Variants in ZFHX3 observed in about 807,000 individuals in gnomAD.
ZFHX3 encodes the protein zinc finger homeobox protein 3.
In ZFHX3, 42 loss-of-function variants were observed where a neutral mutation model predicts 279.1. That is an observed-to-expected ratio of 0.15 (90% CI 0.12 to 0.19). ZFHX3 has a LOEUF of 0.19. Among genes scored for constraint, ZFHX3 ranks in the 10% least tolerant of loss-of-function variants. ZFHX3 has a pLI of 1.00. For synonymous variants in ZFHX3, 2,293 were observed against 1,957.8 expected (o/e 1.17, Z -4.52); for missense variants, 4,981 against 4,754.0 (o/e 1.05, Z -1.40).
intron 1 of ZFHX3, among the ~76,000 whole-genome samples, chr16:73,735,693 G>A (rs2053603317): frequency 6.6e-6 from 1 of 152,090 alleles, no homozygotes; most frequent in South Asian, 2.1e-4. Flanking sequence ...TCCCAAGTGT[G>A]ATGTTTCTGT....
At chr16:72,980,446 G>C (rs775964595) in intron 1 of ZFHX3, among the ~76,000 whole-genome samples, 6 of 152,102 alleles carry the variant, frequency 3.9e-5, no homozygotes, top group African/African-American at 7.2e-5. Context: ...ATTGCAACTT[G>C]GGATTAGATC....
At chr16:72,861,704 G>T (rs546148036) in intron 4 of ZFHX3, among the ~76,000 whole-genome samples, 5 of 152,276 alleles carry the variant, frequency 3.3e-5, no homozygotes, top group African/African-American at 1.2e-4. Context: ...CACATATTTT[G>T]TAAAATTTGC....
At chr16:72,944,602 A>T (rs1960572619) in intron 3 of ZFHX3, among the ~76,000 whole-genome samples, 1 of 137,896 alleles carries the variant, frequency 7.3e-6, no homozygotes, top group Admixed American at 7.3e-5. Flanking sequence ...AATCCATCAC[A>T]TGGTAGGATT....
At chr16:73,649,289 G>C (rs990840315) in intron 2 of ZFHX3, among the ~76,000 whole-genome samples, 1 of 152,128 alleles carries the variant, frequency 6.6e-6, no homozygotes, top group Non-Finnish European at 1.5e-5. Context: ...AAGACTTCTG[G>C]CTTGGCTTCC....
At chr16:73,636,928 G>A (rs1321145100) in intron 2 of ZFHX3, among the ~76,000 whole-genome samples, 1 of 151,808 alleles carries the variant, frequency 6.6e-6, no homozygotes, top group African/African-American at 2.4e-5. Context: ...AAGCTTAACT[G>A]AAAAAAATAC....
At chr16:72,939,719 C>T (rs1960316730) in intron 3 of ZFHX3, among the ~76,000 whole-genome samples, 2 of 152,314 alleles carry the variant, frequency 1.3e-5, no homozygotes, top group South Asian at 4.1e-4. Context: ...GAAACCCTGT[C>T]TCTACTAAAA....
Position 73,489,170 on chromosome 16 carries a change from T to G in ZFHX3, c.-1546-32912A>C, listed in dbSNP as rs1385392964. Among the ~76,000 whole-genome samples, 4 of 152,320 alleles carry G rather than the reference T, an allele frequency of 2.6e-5. No homozygotes were observed. The South Asian group carries it at 8.3e-4, about 32-fold the overall frequency. The stretch of plus-strand genomic sequence containing the variant: ...AATATATTAATTAGGGAAAATGCCC[T>G]CTTGATCCCAGCATTTGAATCTGGG... On this transcript the variant is annotated intron_variant, in intron 2 of 17. Transcript: ENST00000641206.
intron 8 of ZFHX3, among the ~76,000 whole-genome samples, chr16:73,070,180 T>G (rs548287914): frequency 6.6e-6 from 1 of 152,206 alleles, no homozygotes; most frequent in Non-Finnish European, 1.5e-5. Context: ...GGCACCAGGG[T>G]CACACACTGA....
At chr16:73,882,051 A>G (rs2030185067) in intron 1 of ZFHX3, among the ~76,000 whole-genome samples, 1 of 152,162 alleles carries the variant, frequency 6.6e-6, no homozygotes, top group Non-Finnish European at 1.5e-5. Flanking sequence ...CACTTTGAAG[A>G]TGAAAAGCAC....
intron 2 of ZFHX3, among the ~76,000 whole-genome samples, chr16:73,643,064 T>C (rs2052587826): frequency 6.6e-6 from 1 of 152,178 alleles, no homozygotes; most frequent in Non-Finnish European, 1.5e-5. Context: ...TAGGGTCACA[T>C]AAAAGGAGTG....
chr16:73,615,190 G>A (rs941329525), intron 2 of ZFHX3, among the ~76,000 whole-genome samples: 5 of 151,646 alleles, frequency 3.3e-5, no homozygotes, highest in Non-Finnish European at 7.4e-5. Flanking sequence ...CCGGGCAGGA[G>A]TTTAGCCTAG....
intron 1 of ZFHX3, among the ~76,000 whole-genome samples, chr16:73,786,857 A>G (rs1302502888): frequency 6.6e-6 from 1 of 152,030 alleles, no homozygotes; most frequent in Non-Finnish European, 1.5e-5. Flanking sequence ...CTCTTCCCGT[A>G]CCCATACCCA....
rs1597357819 is a variant in ZFHX3, at chr16:73,495,153, T to G, written c.-1546-38895A>C. Among the ~76,000 whole-genome samples the G allele has an allele frequency of 2.0e-5, 3 of 152,362 alleles. No homozygotes were observed. In the South Asian group the frequency reaches 6.2e-4, roughly 32 times the overall value. ...TGATACTTATGACTGGCTGGCAGAA[T>G]TCCTTTAGCATGTTAAAATATTACC... On this transcript the variant is annotated intron_variant, in intron 2 of 17. Coordinates refer to the ZFHX3 transcript ENST00000641206.
intron 4 of ZFHX3, among the ~76,000 whole-genome samples, chr16:72,860,433 T>A (rs1017622947): frequency 2.0e-5 from 3 of 152,138 alleles, no homozygotes. Flanking sequence ...ATTTACAAAC[T>A]TTTTACTTTT....
intron 5 of ZFHX3, among the ~76,000 whole-genome samples, chr16:72,822,385 T>C (rs1223996534): frequency 6.6e-6 from 1 of 152,168 alleles, no homozygotes; most frequent in African/African-American, 2.4e-5. Context: ...AGAAGGCAAA[T>C]TGGGATTTGA....
At chr16:73,617,261 G>A (rs999333509) in intron 2 of ZFHX3, among the ~76,000 whole-genome samples, 3 of 152,156 alleles carry the variant, frequency 2.0e-5, no homozygotes, top group Non-Finnish European at 2.9e-5. Context: ...CAGACCACGC[G>A]GTGGCTGACT....
chr16:72,942,307 C>G (rs1960448346), intron 3 of ZFHX3, among the ~76,000 whole-genome samples: 1 of 152,178 alleles, frequency 6.6e-6, no homozygotes, highest in African/African-American at 2.4e-5. Context: ...TCCTGGAATG[C>G]AGAAGCAACG....
At chr16:73,026,673 C>CAAAA (rs10561679) in intron 1 of ZFHX3, among the ~76,000 whole-genome samples, 939 of 79,456 alleles carry the variant, frequency 0.012, 28 homozygotes, top group Admixed American at 0.017. Context: ...AAAACTGCCT[C>CAAAA]AAAAAAAAAA....
intron 3 of ZFHX3, among the ~76,000 whole-genome samples, chr16:73,342,045 G>A (rs909338972): frequency 3.9e-5 from 6 of 152,186 alleles, no homozygotes; most frequent in African/African-American, 1.4e-4. Flanking sequence ...ATTGTGCACT[G>A]TAAAATGGGT....
Sources: gnomAD v4.1 joint callset for allele counts (sites outside exome capture counted in the v4.1 genomes callset) on GRCh38, gnomAD v4.1.1 for gene constraint, MANE v1.5 for transcripts, NCBI Gene and HGNC (gene_info 2026-07-23, HGNC 2026-07-21) for gene names.